Variants in AHDC1 observed in about 807,000 individuals in gnomAD.
The protein encoded by AHDC1 is AT-hook DNA binding motif containing 1, also known as transcription factor Gibbin.
In AHDC1, 7 loss-of-function variants were observed where a neutral mutation model predicts 87.9. The ratio of observed to expected loss-of-function variants is 0.08; its 90% CI spans 0.05 to 0.15. AHDC1 has a LOEUF of 0.15. Among genes scored for constraint, AHDC1 ranks in the 10% least tolerant of loss-of-function variants. AHDC1 has a pLI of 1.00. For missense variants in AHDC1, 1,841 were observed against 2,253.2 expected (o/e 0.82, Z 3.70); for synonymous variants, 1,051 against 1,006.8 (o/e 1.04, Z -0.83).
rs777203963 is a variant in AHDC1 at position 27,548,251 on chromosome 1, C to T, written c.3865G>A (p.Ala1289Thr). 8.7e-6 allele frequency: 14 copies of T among 1,611,870 alleles called. No individual in the cohort carries two copies. The highest frequency in any genetic ancestry group is 5.0e-5 in the Admixed American group (3 of 60,012). The change falls in exon 8 of 9, where the codon GCA becomes ACA. Residue 1289 changes from alanine (A) to threonine (T), a missense_variant. By Grantham distance (58) the Ala-to-Thr change is moderately conservative (BLOSUM62 0). This residue lies in a region of AHDC1 where 505 missense variants were observed against 626.2 expected (regional missense o/e 0.81). Transcript: ENST00000673934. Reference protein sequence around the residue: ...ACSAKKERGGAAAKAKFIPKP... With the variant: ...ACSAKKERGGTAAKAKFIPKP... ...GGGATGAACTTGGCTTTGGCCGCTG[C>T]GCCACCCCGCTCCTTCTTGGCTGAG...
At chr1:27,564,006 T>C (rs187411475) in intron 3 of AHDC1, among the ~76,000 whole-genome samples, 1 of 152,180 alleles carries the variant, frequency 6.6e-6, no homozygotes, top group African/African-American at 2.4e-5. Flanking sequence ...GCTATCACCA[T>C]GTGCTCAGTG....
At chr1:27,567,512 G>A (rs2020374985) in intron 3 of AHDC1, among the ~76,000 whole-genome samples, 3 of 152,140 alleles carry the variant, frequency 2.0e-5, no homozygotes. Flanking sequence ...AGACACCTTG[G>A]CTGCCTGGCC....
Position 27,548,336 on chromosome 1 carries a change from G to A in AHDC1, c.3780C>T (p.Tyr1260=). Residue 1260 remains tyrosine, a synonymous_variant, in exon 8 of 9, where the codon TAC becomes TAT. Transcript: ENST00000673934. Reference sequence around the variant, plus strand: ...GGGGCCCAGTGCTCCGTTTGGATGGGTAGCCTGAGGCAGCGGCAGAGGCGG... The same window carrying A: ...GGGGCCCAGTGCTCCGTTTGGATGGATAGCCTGAGGCAGCGGCAGAGGCGG... ...PTSASAAASG[Y]PSKRSTGPRQ... is the part of the protein sequence containing the mutation. 2 of 1,606,556 alleles carry A rather than the reference G, an allele frequency of 1.2e-6. No homozygotes were observed. The highest frequency in any genetic ancestry group is 1.3e-5 in the African/African-American group (1 of 74,962).
At chr1:27,581,948 T>G (rs1379341617) in intron 3 of AHDC1, among the ~76,000 whole-genome samples, 1 of 152,170 alleles carries the variant, frequency 6.6e-6, no homozygotes, top group Non-Finnish European at 1.5e-5. Context: ...CTGGACAGAT[T>G]CTGCCCCTTT....
rs530631258 is a variant in AHDC1, at chr1:27,561,498, T to C, written c.-628-2615A>G. 4.2e-4 allele frequency among the ~76,000 whole-genome samples: 64 copies of C among 150,976 alleles called. 1 individual carries two copies. Among genetic ancestry groups the C allele is most frequent in the Non-Finnish European group, 7.8e-4 (53 of 67,640 alleles). ...TGCTGGGAGGCAGAGGACAGTGTGG[T>C]GGGGGGAACACAGCAAGGAGGGGTG... On this transcript the variant is annotated intron_variant, in intron 3 of 8. Transcript: ENST00000673934. This position sits in a 1 kb window ranked among gnomAD's most constrained non-coding sequence, Gnocchi z 4.2.
rs1340558691 is a variant in AHDC1 at position 27,565,894 on chromosome 1, C to CA, written c.-628-7012dup. 6.6e-6 allele frequency among the ~76,000 whole-genome samples: 1 copy of CA among 152,184 alleles called. No homozygotes were observed. Among genetic ancestry groups the CA allele is most frequent in the Non-Finnish European group, 1.5e-5 (1 of 68,024 alleles). On this transcript the variant is annotated intron_variant, in intron 3 of 8. Transcript: ENST00000673934. This position sits in a 1 kb window ranked among gnomAD's most constrained non-coding sequence, Gnocchi z 4.6. ...CCCTAAAACCCTGGAAAGGCAGACT[C>CA]ACACTCTTGTTTCCTGGTGCCACAC...
chr1:27,539,602 T>A (rs999692703), intron 8 of AHDC1, among the ~76,000 whole-genome samples: 2 of 151,970 alleles, frequency 1.3e-5, no homozygotes, highest in African/African-American at 4.8e-5. Flanking sequence ...TGCGCCACCA[T>A]GCCTGGCTAA....
chr1:27,544,103 T>C (rs1163405120), intron 8 of AHDC1, among the ~76,000 whole-genome samples: 3 of 152,060 alleles, frequency 2.0e-5, no homozygotes, highest in Non-Finnish European at 4.4e-5. Context: ...TATCTGCCAA[T>C]GGATCCCCTG....
intron 3 of AHDC1, among the ~76,000 whole-genome samples, chr1:27,592,278 G>A (rs1348080368): frequency 6.6e-6 from 1 of 152,120 alleles, no homozygotes; most frequent in African/African-American, 2.4e-5. Flanking sequence ...GTCATCCACA[G>A]AGCCCGTCAC....
In AHDC1 at chr1:27,547,157, C is replaced by A. The variant is rs533169631; in HGVS notation, c.*43+104G>T. ...CAGTCCCCAGCCTTGCCCTTAAATC[C>A]TGCATTTGCTTCCTGCACTCCATAC... On this transcript the variant is annotated intron_variant, in intron 8 of 8. Transcript: ENST00000673934. This position sits in a 1 kb window ranked among gnomAD's most constrained non-coding sequence, Gnocchi z 4.9. 2 of 800,226 alleles carry A rather than the reference C, an allele frequency of 2.5e-6. No homozygotes were observed. The highest frequency in any genetic ancestry group is 3.4e-5 in the African/African-American group (2 of 58,228). The allele number at this position is 800,226 out of a possible 1,614,324, so 49.6% of individuals were successfully genotyped here. A position where few individuals can be genotyped will look rare whatever the true frequency, so the allele number is the denominator to read the frequency against.
chr1:27,554,421 G>A (rs2148311686), intron 5 of AHDC1, among the ~76,000 whole-genome samples: 1 of 152,318 alleles, frequency 6.6e-6, no homozygotes, highest in South Asian at 2.1e-4. Flanking sequence ...TTCAGGAGCA[G>A]GGATCACATC....
rs560827855 is a variant in AHDC1, at chr1:27,595,655, C to A, written c.-629+7742G>T. Among the ~76,000 whole-genome samples the A allele has an allele frequency of 6.6e-6, 1 of 151,636 alleles. No individual in the cohort carries two copies. Among genetic ancestry groups the A allele is most frequent in the Non-Finnish European group, 1.5e-5 (1 of 67,902 alleles). ...GGTTATTGGGATTTTAATTGGGTAC[C>A]TGCAAGGGTCTGGGGAGGCGTTAGA... is the stretch of plus-strand genomic sequence containing the variant. On this transcript the variant is annotated intron_variant, in intron 3 of 8. Transcript: ENST00000673934. The surrounding 1 kb of genome is among the most constrained non-coding windows in gnomAD (Gnocchi z 4.0).
In AHDC1 at chr1:27,585,202, G is replaced by A. The variant is rs370549425; in HGVS notation, c.-629+18195C>T. 1.3e-3 allele frequency among the ~76,000 whole-genome samples: 194 copies of A among 148,280 alleles called. 10 individuals carry two copies. In the South Asian group the frequency reaches 0.04, roughly 31 times the overall value. ...TGGGAAGTCGAGGCTGCAGTGAGCC[G>A]TGACTGCTCCACTGCACTCCAACCC... On this transcript the variant is annotated intron_variant, in intron 3 of 8. Transcript: ENST00000673934.
Position 27,593,382 on chromosome 1 carries a change from C to T in AHDC1, c.-629+10015G>A, listed in dbSNP as rs1487318672. 6.6e-6 allele frequency among the ~76,000 whole-genome samples: 1 copy of T among 152,246 alleles called. No individual in the cohort carries two copies. The highest frequency in any genetic ancestry group is 1.5e-5 in the Non-Finnish European group (1 of 68,032). On this transcript the variant is annotated intron_variant, in intron 3 of 8. Transcript: ENST00000673934. The surrounding 1 kb of genome is among the most constrained non-coding windows in gnomAD (Gnocchi z 4.9). Reference sequence around the variant, plus strand: ...CCTGCAGTGAATGCCCCAGAGTCTACCGCAGTGTGCCCACTGCTGCCGCCA... The same window carrying T: ...CCTGCAGTGAATGCCCCAGAGTCTATCGCAGTGTGCCCACTGCTGCCGCCA...
rs370866024 is a variant in AHDC1, at chr1:27,596,267, G to A, written c.-629+7130C>T. Among the ~76,000 whole-genome samples, 463 of 152,186 alleles carry A rather than the reference G, an allele frequency of 3.0e-3. 13 individuals carry two copies. The highest frequency in any genetic ancestry group is 4.1e-4 in the Non-Finnish European group (28 of 67,986). On this transcript the variant is annotated intron_variant, in intron 3 of 8. Coordinates refer to ENST00000673934, the MANE Select transcript of AHDC1 (RefSeq NM_001371928.1). ...TCCTCGCTCCCTGGGGGGCAGCAGC[G>A]GATCCAAGCCCACCCATCTGCCTTC... is the stretch of plus-strand genomic sequence containing the variant.
rs763689518 is a variant in AHDC1, at chr1:27,547,750, A to G, written c.4366T>C (p.Tyr1456His). The G allele has an allele frequency of 2.5e-6, 4 of 1,592,132 alleles. No homozygotes were observed. The highest frequency in any genetic ancestry group is 3.4e-6 in the Non-Finnish European group (4 of 1,167,366). The change falls in exon 8 of 9, where the codon TAC (tyrosine) becomes CAC (histidine). Residue 1456 changes from tyrosine to histidine, a missense_variant. Transcript: ENST00000673934. This position sits in a 1 kb window ranked among gnomAD's most constrained non-coding sequence, Gnocchi z 4.9. ...GTGCCCTTGCAGCTGGGGGAATCGT[A>G]GTGGGGCTGGCCCAGCGGCAGGTCC... ...CRDLPLGQPH[Y>H]DSPSCKGTAY...
intron 3 of AHDC1, among the ~76,000 whole-genome samples, chr1:27,568,889 CG>C (rs1161834741): frequency 6.6e-6 from 1 of 151,998 alleles, no homozygotes; most frequent in Admixed American, 6.5e-5. Context: ...TGTTCTTTCT[CG>C]GGATGCCTGC....
chr1:27,601,799 T>C (rs1045341043), intron 3 of AHDC1, among the ~76,000 whole-genome samples: 6 of 151,898 alleles, frequency 4.0e-5, no homozygotes, highest in South Asian at 2.1e-4. Flanking sequence ...AAGCCAACAA[T>C]AGAAACACCC....
Position 27,549,934 on chromosome 1 carries a change from G to A in AHDC1, c.2182C>T (p.Arg728Trp), listed in dbSNP as rs201595662. Residue 728 changes from arginine (R) to tryptophan (W), a missense_variant, in exon 8 of 9, where the codon CGG (arginine) becomes TGG (tryptophan). Coordinates refer to ENST00000673934, the MANE Select transcript of AHDC1 (RefSeq NM_001371928.1). ...CCAGTCACAGCGTCTACCTCCCCCC[G>A]GCCCCGTTTGCGTGGGTGCCCCAAC... ...TELGHPRKRG[R>W]GEVDAVTGKP... 67 of 1,612,988 alleles carry A rather than the reference G, an allele frequency of 4.2e-5. No homozygotes were observed. Among genetic ancestry groups the A allele is most frequent in the Admixed American group, 8.3e-5 (5 of 59,940 alleles).
Sources: gnomAD v4.1 joint callset for allele counts (sites outside exome capture counted in the v4.1 genomes callset) on GRCh38, gnomAD v4.1.1 for gene constraint, gnomAD v4.1.1 regional missense constraint, Gnocchi (gnomAD v3.1) non-coding constraint, MANE v1.5 for transcripts, NCBI Gene and HGNC (gene_info 2026-07-23, HGNC 2026-07-21) for gene names.